The following SLC24A2 variants were observed in gnomAD, a reference collection of about 807,000 sequenced individuals.
SLC24A2 encodes solute carrier family 24 member 2.
Under a neutral mutation model 62.0 loss-of-function variants are expected in SLC24A2, and 36 were observed. The ratio of observed to expected loss-of-function variants is 0.58; its 90% CI spans 0.44 to 0.77. The LOEUF is 0.77. Ranked by LOEUF, SLC24A2 falls within the 30% of genes least tolerant of loss-of-function variation. SLC24A2 has a pLI of 0.00. For missense variants in SLC24A2, 846 were observed against 817.9 expected, an observed-to-expected ratio of 1.03 and a Z score of -0.42; for synonymous variants, 358 against 294.0, an observed-to-expected ratio of 1.22 and a Z score of -2.23.
the SLC24A2 span, among the ~76,000 whole-genome samples, chr9:20,020,300 A>G: frequency 3.3e-5 from 5 of 152,262 alleles, no homozygotes; most frequent in Admixed American, 2.6e-4. Flanking sequence ...TGTTCACAAT[A>G]GCAAAGACTT....
At chr9:20,091,207 G>C in the SLC24A2 span, among the ~76,000 whole-genome samples, 85 of 151,196 alleles carry the variant, frequency 5.6e-4, no homozygotes, top group African/African-American at 2.0e-3. Flanking sequence ...ATGGGATTAC[G>C]TAAAGAGGTC....
At chr9:20,065,768 C>T in the SLC24A2 span, among the ~76,000 whole-genome samples, 4 of 152,088 alleles carry the variant, frequency 2.6e-5, no homozygotes, top group Admixed American at 6.6e-5. Context: ...ACCCTGAACC[C>T]CTGTTCCTTT....
the SLC24A2 span, among the ~76,000 whole-genome samples, chr9:19,873,381 T>C: frequency 7.9e-5 from 12 of 151,192 alleles, no homozygotes; most frequent in South Asian, 2.3e-3. Context: ...TCTTTCTTTC[T>C]CTTTCTCTCT....
At chr9:20,133,337 C>G in the SLC24A2 span, among the ~76,000 whole-genome samples, 1 of 152,064 alleles carries the variant, frequency 6.6e-6, no homozygotes, top group East Asian at 1.9e-4. Context: ...ATAACTGATT[C>G]TTTCACAAAC....
the SLC24A2 span, among the ~76,000 whole-genome samples, chr9:19,812,683 C>T: frequency 6.6e-6 from 1 of 152,032 alleles, no homozygotes; most frequent in Non-Finnish European, 1.5e-5. Flanking sequence ...GCATATGGTA[C>T]TGTCTTTTGG....
chr9:19,734,260 C>T (rs1338738605), intron 2 of SLC24A2, among the ~76,000 whole-genome samples: 1 of 152,098 alleles, frequency 6.6e-6, no homozygotes, highest in Non-Finnish European at 1.5e-5. Context: ...TGTTTTGGTA[C>T]CAGTACCATG....
chr9:19,677,749 T>C (rs1468406929), intron 2 of SLC24A2, among the ~76,000 whole-genome samples: 3 of 151,208 alleles, frequency 2.0e-5, no homozygotes. Context: ...GTGGTATACA[T>C]TACACATAAC....
At chr9:19,848,301 A>G in the SLC24A2 span, among the ~76,000 whole-genome samples, 8,801 of 152,268 alleles carry the variant, frequency 0.058, 350 homozygotes, top group African/African-American at 0.1. Flanking sequence ...AGATTTGCTG[A>G]AAATATTACG....
chr9:20,052,059 C>T, the SLC24A2 span, among the ~76,000 whole-genome samples: 3 of 152,190 alleles, frequency 2.0e-5, no homozygotes, highest in African/African-American at 7.2e-5. Flanking sequence ...TATGTATTAG[C>T]TATTATTATT....
intron 2 of SLC24A2, among the ~76,000 whole-genome samples, chr9:19,651,551 C>G (rs573601216): frequency 2.3e-5 from 3 of 133,042 alleles, no homozygotes; most frequent in African/African-American, 7.9e-5. Flanking sequence ...GGGAACCCCC[C>G]ACGCCCACCA....
chr9:20,033,046 C>A, the SLC24A2 span, among the ~76,000 whole-genome samples: 1 of 152,160 alleles, frequency 6.6e-6, no homozygotes, highest in African/African-American at 2.4e-5. Flanking sequence ...AGAGTTCATG[C>A]GTCCCCTGAA....
intron 4 of SLC24A2, among the ~76,000 whole-genome samples, chr9:19,617,602 A>G (rs1271936761): frequency 2.0e-5 from 3 of 152,204 alleles, no homozygotes; most frequent in Admixed American, 6.5e-5. Flanking sequence ...ATCGTCTTGC[A>G]TATCTCCTGA....
intron 8 of SLC24A2, among the ~76,000 whole-genome samples, chr9:19,528,573 T>C (rs1833542417): frequency 6.6e-6 from 1 of 152,172 alleles, no homozygotes; most frequent in Admixed American, 6.5e-5. Context: ...ACAATCCATA[T>C]GCCAGGAAAC....
At chr9:20,272,632 C>A in the SLC24A2 span, among the ~76,000 whole-genome samples, 1 of 152,170 alleles carries the variant, frequency 6.6e-6, no homozygotes, top group South Asian at 2.1e-4. Flanking sequence ...TATAAACATA[C>A]AAACCAGTCT....
chr9:19,892,339 C>G, the SLC24A2 span, among the ~76,000 whole-genome samples: 1 of 152,202 alleles, frequency 6.6e-6, no homozygotes, highest in African/African-American at 2.4e-5. Flanking sequence ...ATATTTATCA[C>G]TACACAAAAT....
chr9:20,230,738 T>A, the SLC24A2 span, among the ~76,000 whole-genome samples: 1 of 152,224 alleles, frequency 6.6e-6, no homozygotes, highest in Non-Finnish European at 1.5e-5. Context: ...TTTAGTTTAA[T>A]GAGATCCCAT....
At chr9:20,303,063 A>G in the SLC24A2 span, among the ~76,000 whole-genome samples, 1 of 152,186 alleles carries the variant, frequency 6.6e-6, no homozygotes, top group African/African-American at 2.4e-5. Context: ...GCATGTGACA[A>G]TATCCATCTT....
chr9:20,137,407 A>T, the SLC24A2 span, among the ~76,000 whole-genome samples: 1 of 152,184 alleles, frequency 6.6e-6, no homozygotes, highest in African/African-American at 2.4e-5. Context: ...AAATTGGAAG[A>T]GCTGGGTTTA....
chr9:19,937,969 AT>A, the SLC24A2 span, among the ~76,000 whole-genome samples: 25 of 152,222 alleles, frequency 1.6e-4, 1 homozygote, highest in Admixed American at 6.5e-5. Flanking sequence ...ATGAAAATAC[AT>A]GAAAAGAAGA....
Sources: allele counts gnomAD v4.1 joint callset (sites outside exome capture counted in the v4.1 genomes callset), GRCh38; gene constraint gnomAD v4.1.1; transcripts MANE v1.5; gene names NCBI Gene and HGNC (gene_info 2026-07-23, HGNC 2026-07-21).